The following AGBL4 variants were observed in gnomAD, a reference collection of about 807,000 sequenced individuals.
The protein encoded by AGBL4 is AGBL carboxypeptidase 4.
AGBL4 carries 58 observed loss-of-function variants against 66.4 expected under a neutral mutation model. That is an observed-to-expected ratio of 0.87 (90% CI 0.71 to 1.09). The LOEUF is 1.09. Among genes scored for constraint, AGBL4 ranks in the 50% least tolerant of loss-of-function variants. The pLI is 0.00. For missense variants in AGBL4, 579 were observed against 631.0 expected (o/e 0.92, Z 0.88); for synonymous variants, 234 against 222.9 (o/e 1.05, Z -0.44).
Position 48,989,540 on chromosome 1 carries a change from C to T in AGBL4, c.594+56044G>A, listed in dbSNP as rs867694794. Among the ~76,000 whole-genome samples the T allele has an allele frequency of 2.6e-5, 4 of 152,176 alleles. No homozygotes were observed. In the South Asian group the frequency reaches 8.3e-4, roughly 32 times the overall value. The stretch of plus-strand genomic sequence containing the variant: ...TCCCACCCACCAACTATCCTTCCAG[C>T]CTCTGGTAACCATCCTTCTACTCTC... On this transcript the variant is annotated intron_variant, in intron 5 of 13. Transcript: ENST00000371839.
intron 3 of AGBL4, among the ~76,000 whole-genome samples, chr1:49,441,055 C>A (rs923081150): frequency 1.3e-5 from 2 of 152,116 alleles, no homozygotes; most frequent in Middle Eastern, 3.4e-3. Context: ...AGTTGCCAGG[C>A]AAAATAATGT....
chr1:49,372,633 TTCTTTC>T (rs2148556504), intron 3 of AGBL4, among the ~76,000 whole-genome samples: 1 of 134,432 alleles, frequency 7.4e-6, no homozygotes, highest in East Asian at 2.1e-4. Flanking sequence ...CTTTCTTTCT[TTCTTTC>T]TTTCTTTCTT....
At chr1:49,894,844 T>TAA (rs1649026847) in intron 1 of AGBL4, among the ~76,000 whole-genome samples, 1 of 151,968 alleles carries the variant, frequency 6.6e-6, no homozygotes, top group African/African-American at 2.4e-5. Context: ...GAGAGATGGG[T>TAA]AAAAATTTTT....
At chr1:49,443,409 T>C (rs1646080902) in intron 3 of AGBL4, among the ~76,000 whole-genome samples, 1 of 152,124 alleles carries the variant, frequency 6.6e-6, no homozygotes. Flanking sequence ...GATCTTACTT[T>C]TAAGTCTTTA....
At chr1:49,719,305 C>T (rs1357565820) in intron 2 of AGBL4, among the ~76,000 whole-genome samples, 1 of 152,150 alleles carries the variant, frequency 6.6e-6, no homozygotes, top group Admixed American at 6.6e-5. Context: ...AATAACTGGA[C>T]TTGCTGGGTA....
intron 4 of AGBL4, among the ~76,000 whole-genome samples, chr1:49,173,131 T>C (rs1459405527): frequency 1.3e-5 from 2 of 151,226 alleles, no homozygotes; most frequent in Non-Finnish European, 3.0e-5. Context: ...AAAAAAAAAA[T>C]AGTACTCTAT....
intron 2 of AGBL4, among the ~76,000 whole-genome samples, chr1:49,831,892 T>A (rs1402613985): frequency 6.6e-6 from 1 of 152,202 alleles, no homozygotes. Flanking sequence ...TTGGTTCTGT[T>A]TATGTGATGA....
intron 6 of AGBL4, among the ~76,000 whole-genome samples, chr1:48,796,314 A>G (rs747429412): frequency 6.6e-6 from 1 of 152,228 alleles, no homozygotes; most frequent in South Asian, 2.1e-4. Flanking sequence ...ATTATTCTGC[A>G]TGAAGGCAGA....
chr1:49,650,845 C>T (rs1197008065), intron 3 of AGBL4, among the ~76,000 whole-genome samples: 1 of 152,146 alleles, frequency 6.6e-6, no homozygotes, highest in Non-Finnish European at 1.5e-5. Context: ...AACCCCACTC[C>T]CCCTATTCAC....
chr1:49,386,047 T>C (rs898423130), intron 3 of AGBL4, among the ~76,000 whole-genome samples: 4 of 152,026 alleles, frequency 2.6e-5, no homozygotes, highest in African/African-American at 9.7e-5. Flanking sequence ...TTGTAGACAC[T>C]ATAAAGAAAT....
chr1:49,737,453 T>C (rs1649991924), intron 2 of AGBL4, among the ~76,000 whole-genome samples: 1 of 152,144 alleles, frequency 6.6e-6, no homozygotes, highest in Non-Finnish European at 1.5e-5. Context: ...AACAGTATTT[T>C]TCACTTATAA....
chr1:49,791,677 C>A (rs1313029523), intron 2 of AGBL4, among the ~76,000 whole-genome samples: 1 of 152,090 alleles, frequency 6.6e-6, no homozygotes, highest in Non-Finnish European at 1.5e-5. Flanking sequence ...GTGCTGTCTC[C>A]ATCCCTGCCT....
At chr1:48,962,765 C>T (rs1658105565) in intron 5 of AGBL4, among the ~76,000 whole-genome samples, 1 of 152,132 alleles carries the variant, frequency 6.6e-6, no homozygotes, top group Non-Finnish European at 1.5e-5. Context: ...ATGAGTAAGC[C>T]ATTTAACATC....
intron 1 of AGBL4, among the ~76,000 whole-genome samples, chr1:49,906,848 G>C (rs1222356804): frequency 6.6e-6 from 1 of 151,980 alleles, no homozygotes; most frequent in East Asian, 1.9e-4. Flanking sequence ...AGCAAAAAGA[G>C]CCTGCCAGGA....
At chr1:48,860,258 A>G (rs1249674191) in intron 6 of AGBL4, among the ~76,000 whole-genome samples, 1 of 152,226 alleles carries the variant, frequency 6.6e-6, no homozygotes, top group Non-Finnish European at 1.5e-5. Context: ...AAATAAGTTC[A>G]TATTTCAATA....
At chr1:48,777,702 C>G (rs1570649278) in intron 6 of AGBL4, among the ~76,000 whole-genome samples, 1 of 152,060 alleles carries the variant, frequency 6.6e-6, no homozygotes, top group South Asian at 2.1e-4. Flanking sequence ...AGCAGTGGCG[C>G]CCCTCTCCTC....
intron 6 of AGBL4, among the ~76,000 whole-genome samples, chr1:48,812,617 C>A (rs1449169645): frequency 1.3e-5 from 2 of 152,150 alleles, no homozygotes; most frequent in Admixed American, 6.6e-5. Flanking sequence ...TGGGTATATA[C>A]CCAAAGGATT....
chr1:49,757,255 C>G (rs1651957569), intron 2 of AGBL4, among the ~76,000 whole-genome samples: 1 of 152,336 alleles, frequency 6.6e-6, no homozygotes, highest in Middle Eastern at 3.4e-3. Context: ...CCATGCAAAA[C>G]TGAGAGTCAA....
intron 3 of AGBL4, among the ~76,000 whole-genome samples, chr1:49,496,910 T>C (rs995197591): frequency 6.6e-6 from 1 of 152,026 alleles, no homozygotes; most frequent in African/African-American, 2.4e-5. Context: ...CTGGATCATA[T>C]AGTAATTCTA....
Sources: allele counts gnomAD v4.1 joint callset (sites outside exome capture counted in the v4.1 genomes callset), GRCh38; gene constraint gnomAD v4.1.1; transcripts MANE v1.5; gene names NCBI Gene and HGNC (gene_info 2026-07-23, HGNC 2026-07-21).